Variants in DPY19L2 observed in about 807,000 individuals in gnomAD.
DPY19L2 encodes the protein dpy-19 like 2.
Under a neutral mutation model 97.9 loss-of-function variants are expected in DPY19L2, and 34 were observed. That is an observed-to-expected ratio of 0.35 (90% CI 0.26 to 0.46). DPY19L2 has a LOEUF of 0.46. Ranked by LOEUF, DPY19L2 falls within the 20% of genes least tolerant of loss-of-function variation. DPY19L2 has a pLI of 1.00. For synonymous variants in DPY19L2, 230 were observed against 307.9 expected, an observed-to-expected ratio of 0.75 and a Z score of 2.65; for missense variants, 623 against 911.4, an observed-to-expected ratio of 0.68 and a Z score of 4.07.
intron 19 of DPY19L2, among the ~76,000 whole-genome samples, chr12:63,573,268 A>C (rs1292459776): frequency 6.6e-6 from 1 of 152,074 alleles, no homozygotes; most frequent in Non-Finnish European, 1.5e-5. Flanking sequence ...ATAATTAAAA[A>C]GAAGCAGAAA....
intron 21 of DPY19L2, among the ~76,000 whole-genome samples, chr12:63,568,442 A>G (rs574397069): frequency 6.6e-6 from 1 of 152,086 alleles, no homozygotes; most frequent in South Asian, 2.1e-4. Flanking sequence ...CTTTGAATGT[A>G]TTTGTAATAG....
upstream of DPY19L2, chr12:63,668,578 G>C: frequency 1.6e-6 from 1 of 641,324 alleles, no homozygotes; most frequent in Non-Finnish European, 2.6e-6. Flanking sequence ...AGCCATTCGC[G>C]CGGGCAGTCC....
intron 7 of DPY19L2, 56 bp downstream of exon 7, chr12:63,626,413 C>T: frequency 6.7e-7 from 1 of 1,497,592 alleles, no homozygotes. Flanking sequence ...GAGTATATTT[C>T]CTTGTTCCTC....
intron 9 of DPY19L2, among the ~76,000 whole-genome samples, chr12:63,618,625 C>T (rs900102209): frequency 2.0e-5 from 3 of 151,786 alleles, no homozygotes; most frequent in African/African-American, 7.3e-5. Context: ...CAGCAGAGTG[C>T]ACCAAGAAGG....
intron 4 of DPY19L2, among the ~76,000 whole-genome samples, chr12:63,660,012 G>A (rs1221355301): frequency 6.6e-6 from 1 of 152,120 alleles, no homozygotes; most frequent in Non-Finnish European, 1.5e-5. Flanking sequence ...CACAGCCATC[G>A]TAAGAGTAAA....
intron 4 of DPY19L2, among the ~76,000 whole-genome samples, chr12:63,650,679 A>G (rs1894079587): frequency 1.3e-5 from 2 of 152,292 alleles, no homozygotes; most frequent in South Asian, 2.1e-4. Flanking sequence ...CACTGCTGAA[A>G]GAAATCAGGG....
intron 12 of DPY19L2, among the ~76,000 whole-genome samples, chr12:63,602,626 G>T (rs1272227834): frequency 1.3e-5 from 2 of 152,108 alleles, no homozygotes; most frequent in Non-Finnish European, 1.5e-5. Flanking sequence ...TATGAAAAAT[G>T]AAGAAAAATT....
intron 19 of DPY19L2, among the ~76,000 whole-genome samples, chr12:63,573,838 T>C (rs1490262517): frequency 6.6e-6 from 1 of 151,994 alleles, no homozygotes; most frequent in Admixed American, 6.6e-5. Context: ...CCAGAGAAAA[T>C]GTCCTTCAAA....
At chr12:63,662,706 C>T (rs1305292070) in intron 3 of DPY19L2, among the ~76,000 whole-genome samples, 1 of 152,094 alleles carries the variant, frequency 6.6e-6, no homozygotes, top group Non-Finnish European at 1.5e-5. Flanking sequence ...CGATCTGTCA[C>T]CAAAGTCCAG....
At chr12:63,586,193 G>A (rs371411147) in intron 16 of DPY19L2, among the ~76,000 whole-genome samples, 1 of 152,068 alleles carries the variant, frequency 6.6e-6, no homozygotes, top group African/African-American at 2.4e-5. Context: ...AGAACACAAA[G>A]AAGCAATGTC....
intron 12 of DPY19L2, among the ~76,000 whole-genome samples, chr12:63,603,025 C>G (rs1477710523): frequency 6.6e-6 from 1 of 152,028 alleles, no homozygotes; most frequent in Non-Finnish European, 1.5e-5. Context: ...CAAACAAAAA[C>G]AGATTCAGAA....
At chr12:63,568,331 G>A (rs3105652) in intron 21 of DPY19L2, among the ~76,000 whole-genome samples, 11 of 151,816 alleles carry the variant, frequency 7.2e-5, no homozygotes, top group Non-Finnish European at 1.2e-4. Flanking sequence ...TAGAATTTCC[G>A]TGGGGGCTGG....
chr12:63,667,913 C>G, intron 1 of DPY19L2, 144 bp downstream of exon 1: 1 of 976,248 alleles, frequency 1.0e-6, no homozygotes. Context: ...ATGACAAGAT[C>G]TTTGGCCAAC....
chr12:63,603,470 CT>C (rs1178881408), intron 12 of DPY19L2, among the ~76,000 whole-genome samples: 4 of 152,092 alleles, frequency 2.6e-5, no homozygotes, highest in Non-Finnish European at 5.9e-5. Flanking sequence ...AACCCATTAC[CT>C]AGGTATTAAG....
intron 6 of DPY19L2, among the ~76,000 whole-genome samples, chr12:63,643,537 C>T (rs774495449): frequency 6.6e-6 from 1 of 152,122 alleles, no homozygotes; most frequent in Non-Finnish European, 1.5e-5. Context: ...ATGCGCTCCA[C>T]TGAAAGAAAC....
In DPY19L2 at chr12:63,644,472, T is replaced by C. The variant is rs1281357738; in HGVS notation, c.734A>G (p.Tyr245Cys). ...CEGLGDPACF[Y>C]VGVIFILNGL... ...ATTTAAAATAAAGATTACACCAACA[T>C]AAAAGCAAGCAGGATCTCCCAATCC... is the stretch of plus-strand genomic sequence containing the variant. Residue 245 changes from tyrosine (Y) to cysteine (C), a missense_variant, in exon 6 of 22, where the codon TAT becomes TGT. Coordinates refer to ENST00000324472, the MANE Select transcript of DPY19L2 (RefSeq NM_173812.5). 6.2e-6 allele frequency: 10 copies of C among 1,611,184 alleles called. No homozygotes were observed. The highest frequency in any genetic ancestry group is 7.6e-6 in the Non-Finnish European group (9 of 1,178,944).
chr12:63,592,008 G>A (rs1162853565), intron 16 of DPY19L2, among the ~76,000 whole-genome samples: 3 of 6,238 alleles, frequency 4.8e-4, no homozygotes, highest in African/African-American at 7.1e-4. Context: ...GGGGAAGGGA[G>A]GGGAGGGGAG....
chr12:63,658,168 G>A (rs1340672500), intron 4 of DPY19L2, among the ~76,000 whole-genome samples: 1 of 152,116 alleles, frequency 6.6e-6, no homozygotes, highest in Non-Finnish European at 1.5e-5. Context: ...TATATTAGGT[G>A]TATTAGCCCT....
rs752414535 is a variant in DPY19L2, at chr12:63,668,314, A to G, written c.80T>C (p.Leu27Pro). 8 of 1,613,790 alleles carry G rather than the reference A, an allele frequency of 5.0e-6. No individual in the cohort carries two copies. Among genetic ancestry groups the G allele is most frequent in the Non-Finnish European group, 6.8e-6 (8 of 1,179,904 alleles). ...CTCCTCTACCTCCGGCTCCCGGGCG[A>G]GGGAGGCCCCGCGCCGCCCCTTAGA... is the stretch of plus-strand genomic sequence containing the variant. Reference protein sequence around the residue: ...SQSKGRRGASLAREPEVEEEM... With the variant: ...SQSKGRRGASPAREPEVEEEM... The change falls in exon 1 of 22, where the codon CTC (leucine) becomes CCC (proline). Residue 27 changes from leucine (L) to proline (P), a missense_variant. By Grantham distance (98) the Leu-to-Pro change is moderately conservative. This residue lies in a region of DPY19L2 where 144 missense variants were observed against 119.4 expected (regional missense o/e 1.21). Coordinates refer to ENST00000324472, the MANE Select transcript of DPY19L2 (RefSeq NM_173812.5).
Sources: gnomAD v4.1 joint callset for allele counts (sites outside exome capture counted in the v4.1 genomes callset) on GRCh38, gnomAD v4.1.1 for gene constraint, gnomAD v4.1.1 regional missense constraint, MANE v1.5 for transcripts, NCBI Gene and HGNC (gene_info 2026-07-23, HGNC 2026-07-21) for gene names.